The following GRM5 variants were observed in gnomAD, a reference collection of about 807,000 sequenced individuals.
The protein encoded by GRM5 is metabotropic glutamate receptor 5.
Under a neutral mutation model 83.1 loss-of-function variants are expected in GRM5, and 19 were observed. The ratio of observed to expected loss-of-function variants is 0.23; its 90% confidence interval spans 0.16 to 0.34. The LOEUF is 0.34. Among genes scored for constraint, GRM5 ranks in the 10% least tolerant of loss-of-function variants. The probability of loss-of-function intolerance (pLI) is 1.00; values close to 1 mark genes in which losing one functional copy is unlikely to be tolerated. For synonymous variants in GRM5, 675 were observed against 633.6 expected (o/e 1.07, Z -0.98); for missense variants, 1,160 against 1,588.3 (o/e 0.73, Z 4.58).
intron 2 of GRM5, among the ~76,000 whole-genome samples, chr11:88,889,857 A>G (rs543509638): frequency 1.3e-5 from 2 of 152,148 alleles, no homozygotes; most frequent in Non-Finnish European, 2.9e-5. Context: ...AAGCAAACAA[A>G]CAAACAAAAA....
chr11:88,512,972 C>T (rs1280131395), intron 9 of GRM5, among the ~76,000 whole-genome samples: 2 of 152,340 alleles, frequency 1.3e-5, no homozygotes, highest in East Asian at 3.9e-4. Context: ...GGCCTCTTCA[C>T]ACCCTAAACT....
chr11:88,762,872 A>G (rs1253876979), intron 3 of GRM5, among the ~76,000 whole-genome samples: 1 of 151,982 alleles, frequency 6.6e-6, no homozygotes, highest in Non-Finnish European at 1.5e-5. Flanking sequence ...CTTTTGCACG[A>G]ACATGTAATG....
intron 3 of GRM5, among the ~76,000 whole-genome samples, chr11:88,702,283 A>G (rs1434878974): frequency 6.6e-6 from 1 of 152,088 alleles, no homozygotes; most frequent in Non-Finnish European, 1.5e-5. Flanking sequence ...GAGGTACAAA[A>G]AGGAATAAAT....
chr11:88,667,993 G>T (rs1307451780), intron 3 of GRM5, among the ~76,000 whole-genome samples: 1 of 151,826 alleles, frequency 6.6e-6, no homozygotes, highest in Non-Finnish European at 1.5e-5. Flanking sequence ...AACAATGAAA[G>T]AAATGAGAAA....
chr11:88,900,558 T>C (rs1945297600), intron 2 of GRM5, among the ~76,000 whole-genome samples: 1 of 152,118 alleles, frequency 6.6e-6, no homozygotes, highest in Non-Finnish European at 1.5e-5. Context: ...TATCTAAATC[T>C]ACACAGTCAT....
chr11:88,833,353 G>A (rs979840963), intron 3 of GRM5, among the ~76,000 whole-genome samples: 12 of 151,902 alleles, frequency 7.9e-5, no homozygotes, highest in African/African-American at 2.9e-4. Context: ...TCTCAAAGAC[G>A]TATAAATGGC....
intron 2 of GRM5, among the ~76,000 whole-genome samples, chr11:89,002,549 G>T (rs1940413806): frequency 6.6e-6 from 1 of 152,128 alleles, no homozygotes; most frequent in African/African-American, 2.4e-5. Flanking sequence ...AAGTTCATTA[G>T]TTCATTTATT....
intron 3 of GRM5, among the ~76,000 whole-genome samples, chr11:88,798,822 A>AC (rs1240594643): frequency 3.4e-4 from 50 of 147,030 alleles, no homozygotes; most frequent in South Asian, 2.4e-3. Flanking sequence ...AAAAAAAAAA[A>AC]AAAAACAACA....
At chr11:88,588,495 C>A (rs1943366047) in intron 7 of GRM5, among the ~76,000 whole-genome samples, 1 of 152,036 alleles carries the variant, frequency 6.6e-6, no homozygotes, top group Non-Finnish European at 1.5e-5. Context: ...AAAGTTACTG[C>A]AATATTTAAA....
intron 2 of GRM5, among the ~76,000 whole-genome samples, chr11:88,972,124 A>T (rs1939181846): frequency 1.3e-5 from 2 of 152,198 alleles, no homozygotes; most frequent in Admixed American, 1.3e-4. Flanking sequence ...GGCTAAGGTT[A>T]GCATGACCAT....
chr11:88,941,896 A>G (rs922905140), intron 2 of GRM5, among the ~76,000 whole-genome samples: 2 of 152,040 alleles, frequency 1.3e-5, no homozygotes, highest in Admixed American at 1.3e-4. Flanking sequence ...TTTCTATACT[A>G]TAAGATATTC....
At chr11:88,982,804 T>C (rs1227833626) in intron 2 of GRM5, among the ~76,000 whole-genome samples, 1 of 152,204 alleles carries the variant, frequency 6.6e-6, no homozygotes, top group African/African-American at 2.4e-5. Context: ...CAGTGGCTCA[T>C]GCCTTTAATC....
chr11:88,624,024 A>G (rs546725138), intron 4 of GRM5, among the ~76,000 whole-genome samples: 1 of 152,354 alleles, frequency 6.6e-6, no homozygotes, highest in South Asian at 2.1e-4. Context: ...CATATTTACT[A>G]ATTATTTAAG....
intron 2 of GRM5, among the ~76,000 whole-genome samples, chr11:88,857,725 A>C: frequency 6.6e-6 from 1 of 152,124 alleles, no homozygotes; most frequent in African/African-American, 2.4e-5. Context: ...TTTAATGCAG[A>C]TATTTCTTTC....
chr11:88,743,040 G>A lies in GRM5; in HGVS notation c.912-89637C>T, dbSNP rs983296584. Among the ~76,000 whole-genome samples the A allele has an allele frequency of 4.6e-5, 7 of 152,202 alleles. No individual in the cohort carries two copies. In the South Asian group the frequency reaches 1.5e-3, roughly 32 times the overall value. On this transcript the variant is annotated intron_variant, in intron 3 of 9. Transcript: ENST00000305447. ...CTGAAAAGATGCATTTAAAAACAGC[G>A]AGATTGCTATGAAAATATACCTTCA...
chr11:88,633,100 T>A (rs1939022982), intron 4 of GRM5, among the ~76,000 whole-genome samples: 1 of 152,196 alleles, frequency 6.6e-6, no homozygotes, highest in South Asian at 2.1e-4. Flanking sequence ...CAGTAATCAT[T>A]AGGAAAGTGA....
intron 2 of GRM5, among the ~76,000 whole-genome samples, chr11:89,019,402 C>G (rs1940929598): frequency 6.6e-6 from 1 of 151,934 alleles, no homozygotes; most frequent in African/African-American, 2.4e-5. Flanking sequence ...ATATCAAGAA[C>G]AAACCCTTTC....
chr11:89,061,665 G>GT (rs1941995567), intron 1 of GRM5, among the ~76,000 whole-genome samples: 1 of 152,176 alleles, frequency 6.6e-6, no homozygotes, highest in South Asian at 2.1e-4. Flanking sequence ...CCCCCTGGGT[G>GT]TTTGTCATCA....
Position 88,955,529 on chromosome 11 carries a change from T to C in GRM5, c.661+91683A>G, listed in dbSNP as rs1178499394. Among the ~76,000 whole-genome samples, 6 of 152,288 alleles carry C rather than the reference T, an allele frequency of 3.9e-5. No individual in the cohort carries two copies. The South Asian group carries it at 6.2e-4, about 16-fold the overall frequency. On this transcript the variant is annotated intron_variant, in intron 2 of 9. Transcript: ENST00000305447. The stretch of plus-strand genomic sequence containing the variant: ...ATTTCCACAGCATACAGAAAATAAT[T>C]TGCCATATTTATTTCTCCACTCTCA...
Sources: allele counts gnomAD v4.1 joint callset (sites outside exome capture counted in the v4.1 genomes callset), GRCh38; gene constraint gnomAD v4.1.1; transcripts MANE v1.5; gene names NCBI Gene and HGNC (gene_info 2026-07-23, HGNC 2026-07-21).